The following MAP3K11 variants were observed in gnomAD, a reference collection of about 807,000 sequenced individuals.
MAP3K11 encodes SH3 domain-containing proline-rich kinase.
MAP3K11 carries 46 observed loss-of-function variants against 84.9 expected under a neutral mutation model. That is an observed-to-expected ratio of 0.54 (90% CI 0.43 to 0.69). The LOEUF is 0.69. MAP3K11 is among the 30% of genes least tolerant of loss of function. The pLI is 0.00. For missense variants in MAP3K11, 1,053 were observed against 1,198.3 expected, an observed-to-expected ratio of 0.88 and a Z score of 1.79; for synonymous variants, 527 against 514.7, an observed-to-expected ratio of 1.02 and a Z score of -0.32.
In MAP3K11 at chr11:65,613,896, G is replaced by A. The variant is rs1316904186; in HGVS notation, c.-140C>T. On this transcript the variant is annotated 5_prime_UTR_variant, in exon 1 of 10. Coordinates refer to ENST00000309100, the MANE Select transcript of MAP3K11 (RefSeq NM_002419.4). ...TCAGCCCCAGACCCACGCCTCTCTG[G>A]GGAGCCAGGAGTGTTGTCTCCCGGC... 4.9e-5 allele frequency: 48 copies of A among 970,712 alleles called. No individual in the cohort carries two copies. The highest frequency in any genetic ancestry group is 4.0e-5 in the Non-Finnish European group (27 of 681,700). 60.1% of individuals were successfully genotyped at this position (970,712 alleles called of 1,614,324 possible).
chr11:65,610,281 C>CG (rs1187870881), intron 1 of MAP3K11: 1 of 152,280 alleles, frequency 6.6e-6, no homozygotes, highest in Non-Finnish European at 1.5e-5. Context: ...ACCCACTCCT[C>CG]TGAGCCAGAC....
chr11:65,606,638 A>T, intron 6 of MAP3K11, 53 bp downstream of exon 6: 1 of 1,331,736 alleles, frequency 7.5e-7, no homozygotes, highest in Non-Finnish European at 1.0e-6. Context: ...AAGGTCTGAC[A>T]GAGAATAAGG....
At chr11:65,610,341 C>T (rs1854558868) in intron 1 of MAP3K11, 1 of 152,222 alleles carries the variant, frequency 6.6e-6, no homozygotes, top group Non-Finnish European at 1.5e-5. Flanking sequence ...GACAACAAAA[C>T]CCTCCTCAGA....
In MAP3K11 at chr11:65,599,625, G is replaced by A. The variant is rs761531372; in HGVS notation, c.1975C>T (p.Arg659Cys). ...GGGCCTCCCGGCGGCTGCAGGTCGC[G>A]GCCAAGGCCCAGCGAGGCGAGCAGG... ...TALLASLGLG[R>C]DLQPPGGPGR... The change falls in exon 9 of 10, where the codon CGC becomes TGC. Residue 659 changes from arginine (R) to cysteine (C), a missense_variant. Transcript: ENST00000309100. 17 of 1,542,774 alleles carry A rather than the reference G, an allele frequency of 1.1e-5. No homozygotes were observed. The highest frequency in any genetic ancestry group is 1.3e-5 in the Non-Finnish European group (15 of 1,149,628).
intron 8 of MAP3K11, among the ~76,000 whole-genome samples, chr11:65,599,988 A>G (rs1273296769): frequency 2.6e-5 from 4 of 152,226 alleles, no homozygotes; most frequent in Non-Finnish European, 4.4e-5. Context: ...AGGAAGCGGC[A>G]GCAAAGCCCA....
chr11:65,606,656 G>T, intron 6 of MAP3K11, 35 bp downstream of exon 6: 1 of 1,434,372 alleles, frequency 7.0e-7, no homozygotes, highest in South Asian at 1.2e-5. Context: ...AGGAGCTGGG[G>T]GGCGGAGAGG....
At chr11:65,598,925 C>T (rs558396220) in intron 9 of MAP3K11, among the ~76,000 whole-genome samples, 1 of 152,258 alleles carries the variant, frequency 6.6e-6, no homozygotes, top group South Asian at 2.1e-4. Flanking sequence ...CATCCAGGAG[C>T]GCTTAGTTCT....
chr11:65,614,067 T>G lies in MAP3K11; in HGVS notation c.-311A>C. On this transcript the variant is annotated 5_prime_UTR_variant, in exon 1 of 10. Transcript: ENST00000309100. ...CGGTTCTGGAGCAGTCCTGGGAGCC[T>G]GGCTCCGGCCCCCGCCAAGTGTAAG... 3.1e-6 allele frequency: 1 copy of G among 321,790 alleles called. No individual in the cohort carries two copies. The highest frequency in any genetic ancestry group is 5.8e-6 in the Non-Finnish European group (1 of 172,408). The allele number at this position is 321,790 out of a possible 1,614,324, so 19.9% of individuals were successfully genotyped here. A position where few individuals can be genotyped will look rare whatever the true frequency, so the allele number is the denominator to read the frequency against.
At chr11:65,612,929 C>CAGT (rs757107351) in intron 1 of MAP3K11, 89 bp downstream of exon 1, 25 of 1,435,760 alleles carry the variant, frequency 1.7e-5, no homozygotes, top group Non-Finnish European at 2.3e-5. Context: ...CTCCTACCTG[C>CAGT]AGTAGACCCT....
chr11:65,607,254 G>C lies in MAP3K11; in HGVS notation c.1489+16C>G. 2 of 1,478,996 alleles carry C rather than the reference G, an allele frequency of 1.4e-6. No homozygotes were observed. Among genetic ancestry groups the C allele is most frequent in the African/African-American group, 1.5e-5 (1 of 68,220 alleles). The allele number at this position is 1,478,996 out of a possible 1,614,324, so 91.6% of individuals were successfully genotyped here. ...CGCAGCCAATGGCGGGGGACGCCCC[G>C]GGGCCCGGCCCTCACCGAGTGGCAT... On this transcript the variant is annotated intron_variant, in intron 5 of 9. Transcript: ENST00000309100.
chr11:65,598,530 G>A lies in MAP3K11; in HGVS notation c.2305C>T (p.Pro769Ser). 1 of 1,612,538 alleles carries A rather than the reference G, an allele frequency of 6.2e-7. No individual in the cohort carries two copies. Among genetic ancestry groups the A allele is most frequent in the Non-Finnish European group, 8.5e-7 (1 of 1,179,284 alleles). Residue 769 changes from proline to serine, a missense_variant, in exon 10 of 10, where the codon CCC (proline) becomes TCC (serine). Physicochemically the swap from Pro to Ser is moderately conservative, Grantham distance 74. Around this residue, in one of 3 missense-constraint regions of MAP3K11, gnomAD observed 583 missense variants for 566.6 expected, o/e 1.03. Transcript: ENST00000309100. ...PPLGLISRPR[P>S]SPLRSRIDPW... ...TCAATGCGGCTGCGAAGGGGCGAGG[G>A]CCGAGGTCGGCTGATGAGGCCCAGG...
intron 6 of MAP3K11, 82 bp downstream of exon 6, chr11:65,606,608 TG>T: frequency 9.6e-7 from 1 of 1,046,080 alleles, no homozygotes; most frequent in South Asian, 1.7e-5. Flanking sequence ...GGATAGTGAG[TG>T]GGCTCCGCCT....
At position 65,598,376 on chromosome 11, in the gene MAP3K11, G is replaced by A. The variant is rs763179055; in HGVS notation, c.2459C>T (p.Pro820Leu). The A allele has an allele frequency of 7.7e-6, 12 of 1,554,670 alleles. No homozygotes were observed. The highest frequency in any genetic ancestry group is 1.0e-5 in the Non-Finnish European group (12 of 1,147,148). ...DPFWDSPPAN[P>L]FQGGPQDCRA... ...GCAGTCCTGGGGGCCCCCCTGGAAG[G>A]GGTTGGCAGGTGGGGAGTCCCAGAA... Residue 820 changes from proline to leucine, a missense_variant, in exon 10 of 10, where the codon CCC becomes CTC. Physicochemically the swap from Pro to Leu is moderately conservative, Grantham distance 98. Transcript: ENST00000309100.
chr11:65,604,156 G>T (rs996399911), intron 8 of MAP3K11, among the ~76,000 whole-genome samples: 1 of 152,222 alleles, frequency 6.6e-6, no homozygotes, highest in Admixed American at 6.5e-5. Context: ...TGAATATATG[G>T]GCTAATAAGT....
At chr11:65,606,479 T>C (rs751951529) in intron 6 of MAP3K11, 13 of 437,740 alleles carry the variant, frequency 3.0e-5, no homozygotes, top group Non-Finnish European at 4.4e-5. Context: ...AAATTAGTAG[T>C]ACATAGTGTC....
At chr11:65,601,458 T>C (rs1176764850) in intron 8 of MAP3K11, among the ~76,000 whole-genome samples, 1 of 152,188 alleles carries the variant, frequency 6.6e-6, no homozygotes, top group Non-Finnish European at 1.5e-5. Flanking sequence ...GCCTGGCTCT[T>C]AAAATGCAAA....
At position 65,598,436 on chromosome 11, in the gene MAP3K11, C is replaced by T. The variant is rs751204773; in HGVS notation, c.2399G>A (p.Arg800Gln). 2.5e-6 allele frequency: 4 copies of T among 1,606,292 alleles called. No homozygotes were observed. The highest frequency in any genetic ancestry group is 2.2e-5 in the East Asian group (1 of 44,682). ...GTCCGGGAACAAGGTCCAGGGTGCT[C>T]GGCGGGGTGCAGGCTGTGGTGATGG... The part of the protein sequence containing the change: ...PLPSPQPAPR[R>Q]APWTLFPDSD... Residue 800 changes from arginine (R) to glutamine (Q), a missense_variant, in exon 10 of 10, where the codon CGA becomes CAA. Physicochemically the swap from Arg to Gln is conservative, Grantham distance 43. Around this residue, in one of 3 missense-constraint regions of MAP3K11, gnomAD observed 583 missense variants for 566.6 expected, o/e 1.03. Transcript: ENST00000309100.
Position 65,607,337 on chromosome 11 carries a change from G to A in MAP3K11, c.1422C>T (p.Arg474=). ...VDRERPHVRR[R]RGTFKRSKLR... is the part of the protein sequence containing the mutation. ...GCTTGCTGCGCTTGAATGTCCCGCG[G>A]CGGCGGCGCACGTGCGGTCGCTCGC... Residue 474 remains arginine, a synonymous_variant, in exon 5 of 10, where the codon CGC becomes CGT. Transcript: ENST00000309100. 6.6e-7 allele frequency: 1 copy of A among 1,508,240 alleles called. No homozygotes were observed. Among genetic ancestry groups the A allele is most frequent in the Non-Finnish European group, 8.8e-7 (1 of 1,137,498 alleles). 93.4% of individuals were successfully genotyped at this position (1,508,240 alleles called of 1,614,324 possible). A position where few individuals can be genotyped will look rare whatever the true frequency, so the allele number is the denominator to read the frequency against.
chr11:65,605,249 G>A (rs1157831844), intron 8 of MAP3K11, among the ~76,000 whole-genome samples: 1 of 152,032 alleles, frequency 6.6e-6, no homozygotes, highest in Non-Finnish European at 1.5e-5. Flanking sequence ...TGGATGTGGT[G>A]AGAATGGGTC....
Sources: allele counts gnomAD v4.1 joint callset (sites outside exome capture counted in the v4.1 genomes callset), GRCh38; gene constraint gnomAD v4.1.1; regional missense constraint gnomAD v4.1.1; transcripts MANE v1.5; gene names NCBI Gene and HGNC (gene_info 2026-07-23, HGNC 2026-07-21).